SYNPR: variants seen among roughly 807,000 people sequenced by gnomAD.
The protein encoded by SYNPR is synaptoporin.
SYNPR carries 23 observed loss-of-function variants against 32.9 expected under a neutral mutation model. The observed-to-expected ratio is 0.70, with a 90% CI of 0.50 to 0.99. The LOEUF (loss-of-function observed/expected upper bound fraction) is 0.99. SYNPR is among the 50% of genes least tolerant of loss of function. The pLI is 0.00. For synonymous variants in SYNPR, 146 were observed against 135.9 expected, an observed-to-expected ratio of 1.07 and a Z score of -0.52; for missense variants, 318 against 349.3, an observed-to-expected ratio of 0.91 and a Z score of 0.71.
chr3:63,204,211 C>T, the SYNPR span, among the ~76,000 whole-genome samples: 119 of 152,236 alleles, frequency 7.8e-4, no homozygotes, highest in African/African-American at 2.7e-3. Flanking sequence ...AATGTATTTC[C>T]TCACAATTGT....
chr3:63,349,798 A>T (rs1019317663), intron 2 of SYNPR, among the ~76,000 whole-genome samples: 1 of 152,196 alleles, frequency 6.6e-6, no homozygotes, highest in Non-Finnish European at 1.5e-5. Flanking sequence ...GAAAGCGTAG[A>T]AGGTACAGCT....
intron 4 of SYNPR, among the ~76,000 whole-genome samples, chr3:63,557,274 T>C (rs933128036): frequency 2.0e-5 from 3 of 152,280 alleles, no homozygotes; most frequent in African/African-American, 7.2e-5. Flanking sequence ...ACAAAACCTC[T>C]AAGAGGGTAC....
chr3:63,587,459 A>T (rs1384785039), intron 4 of SYNPR, among the ~76,000 whole-genome samples: 1 of 152,098 alleles, frequency 6.6e-6, no homozygotes, highest in Non-Finnish European at 1.5e-5. Context: ...GGAGATTACC[A>T]GTAGTGTAGA....
At chr3:63,445,101 T>A (rs12631666) in intron 2 of SYNPR, among the ~76,000 whole-genome samples, 14,695 of 152,086 alleles carry the variant, frequency 0.097, 1,045 homozygotes, top group Admixed American at 0.24. Context: ...ATATTTTATA[T>A]AATATATTTT....
At chr3:63,520,982 C>T (rs1481195882) in intron 3 of SYNPR, among the ~76,000 whole-genome samples, 2 of 152,098 alleles carry the variant, frequency 1.3e-5, no homozygotes, top group Non-Finnish European at 2.9e-5. Context: ...GTGGAAATCT[C>T]TAAACATTTT....
chr3:63,359,766 A>G (rs1308718993), intron 2 of SYNPR, among the ~76,000 whole-genome samples: 4 of 152,216 alleles, frequency 2.6e-5, no homozygotes, highest in African/African-American at 9.7e-5. Flanking sequence ...ATTCTAGTCA[A>G]GTTTCCTAAC....
chr3:63,269,994 A>C (rs1303833402), intron 3 of SYNPR, among the ~76,000 whole-genome samples: 1 of 152,230 alleles, frequency 6.6e-6, no homozygotes, highest in Non-Finnish European at 1.5e-5. Context: ...CACTAAATTA[A>C]GATAACTGTA....
At chr3:63,509,650 C>T (rs6768942) in intron 3 of SYNPR, among the ~76,000 whole-genome samples, 56,738 of 151,666 alleles carry the variant, frequency 0.37, 10,790 homozygotes, top group Non-Finnish European at 0.42. Context: ...ATTGTCAGTT[C>T]ATTCAGAAAT....
At chr3:63,374,572 C>A (rs1175640485) in intron 2 of SYNPR, among the ~76,000 whole-genome samples, 1 of 152,076 alleles carries the variant, frequency 6.6e-6, no homozygotes, top group Non-Finnish European at 1.5e-5. Context: ...GCACATATAC[C>A]CCTGAACCTA....
chr3:63,568,070 A>T (rs1207060950), intron 4 of SYNPR, among the ~76,000 whole-genome samples: 2 of 152,202 alleles, frequency 1.3e-5, no homozygotes, highest in African/African-American at 2.4e-5. Context: ...AAGTGAAATT[A>T]TTACCATGGA....
At chr3:63,533,481 G>GTTTTGT (rs1702144907) in intron 3 of SYNPR, among the ~76,000 whole-genome samples, 1 of 152,120 alleles carries the variant, frequency 6.6e-6, no homozygotes, top group African/African-American at 2.4e-5. Context: ...AATTATCAGG[G>GTTTTGT]ATAGAGATAG....
At chr3:63,474,744 G>C (rs1308582886) in intron 2 of SYNPR, among the ~76,000 whole-genome samples, 1 of 152,132 alleles carries the variant, frequency 6.6e-6, no homozygotes, top group African/African-American at 2.4e-5. Flanking sequence ...TCCAAACTGA[G>C]TGGTACCAAC....
chr3:63,527,123 TAG>T (rs1421414821), intron 3 of SYNPR, among the ~76,000 whole-genome samples: 4 of 152,132 alleles, frequency 2.6e-5, no homozygotes, highest in Admixed American at 2.6e-4. Context: ...CAAGGCAATC[TAG>T]ACTGAGGGAC....
chr3:63,307,675 A>T (rs1275742093), intron 2 of SYNPR, among the ~76,000 whole-genome samples: 4 of 151,966 alleles, frequency 2.6e-5, no homozygotes, highest in Non-Finnish European at 5.9e-5. Context: ...GGAAATTTTC[A>T]TGAGTCTTTT....
At chr3:63,449,879 A>C (rs565377235) in intron 2 of SYNPR, among the ~76,000 whole-genome samples, 34 of 152,174 alleles carry the variant, frequency 2.2e-4, no homozygotes, top group Non-Finnish European at 4.0e-4. Flanking sequence ...ACCTTCAACA[A>C]GTGAATAAAT....
At chr3:63,583,369 G>C (rs761578400) in intron 4 of SYNPR, among the ~76,000 whole-genome samples, 1 of 152,078 alleles carries the variant, frequency 6.6e-6, no homozygotes. Context: ...TTGGCTAAGA[G>C]GCCTGACATT....
intron 4 of SYNPR, among the ~76,000 whole-genome samples, chr3:63,598,957 G>T (rs1211744716): frequency 6.6e-6 from 1 of 152,174 alleles, no homozygotes; most frequent in East Asian, 1.9e-4. Flanking sequence ...CACTTCTCAA[G>T]TGTGAGCCAT....
chr3:63,217,407 C>T, the SYNPR span, among the ~76,000 whole-genome samples: 5 of 57,280 alleles, frequency 8.7e-5, 2 homozygotes, highest in African/African-American at 2.9e-4. Flanking sequence ...GATATAGTCT[C>T]GTGGTGCACC....
chr3:63,371,797 G>C (rs1336010756), intron 2 of SYNPR, among the ~76,000 whole-genome samples: 4 of 152,214 alleles, frequency 2.6e-5, no homozygotes, highest in Non-Finnish European at 4.4e-5. Context: ...GTCGGAGGCG[G>C]TTCTACATTT....
Sources: gnomAD v4.1 joint callset for allele counts (sites outside exome capture counted in the v4.1 genomes callset) on GRCh38, gnomAD v4.1.1 for gene constraint, MANE v1.5 for transcripts, NCBI Gene and HGNC (gene_info 2026-07-23, HGNC 2026-07-21) for gene names.